Variants in GRIN2B observed in about 807,000 individuals in gnomAD.
The protein encoded by GRIN2B is glutamate receptor ionotropic, NMDA 2B.
GRIN2B carries 5 observed loss-of-function variants against 114.5 expected under a neutral mutation model. The observed-to-expected ratio is 0.04, with a 90% CI of 0.02 to 0.09. The LOEUF (loss-of-function observed/expected upper bound fraction) is 0.09, where lower values mean the gene tolerates loss of function less well. GRIN2B is among the 10% of genes least tolerant of loss of function. The pLI, the probability that GRIN2B is intolerant of heterozygous loss-of-function variation, is 1.00. For missense variants in GRIN2B, 1,108 were observed against 1,943.5 expected (o/e 0.57, Z 8.08); for synonymous variants, 787 against 745.1 (o/e 1.06, Z -0.92).
intron 3 of GRIN2B, among the ~76,000 whole-genome samples, chr12:13,848,502 G>C (rs1865504597): frequency 6.6e-6 from 1 of 152,084 alleles, no homozygotes; most frequent in Non-Finnish European, 1.5e-5. Flanking sequence ...GCTGTCAAAT[G>C]ACAGAAAAGA....
chr12:13,667,318 G>A (rs1319319781), intron 5 of GRIN2B, among the ~76,000 whole-genome samples: 4 of 152,140 alleles, frequency 2.6e-5, no homozygotes, highest in Admixed American at 6.6e-5. Context: ...TAGCAGACCC[G>A]AAATAACAAA....
intron 4 of GRIN2B, among the ~76,000 whole-genome samples, chr12:13,730,886 T>TGG (rs1863077076): frequency 6.6e-6 from 1 of 152,222 alleles, no homozygotes; most frequent in Non-Finnish European, 1.5e-5. Flanking sequence ...TTGACATGAC[T>TGG]AAACCCCTTT....
At chr12:13,609,605 C>T (rs1214163526) in intron 9 of GRIN2B, among the ~76,000 whole-genome samples, 1 of 152,090 alleles carries the variant, frequency 6.6e-6, no homozygotes, top group African/African-American at 2.4e-5. Flanking sequence ...AACCCCGTCT[C>T]TACTAAAAAG....
At chr12:13,619,673 GC>G (rs1949492049) in intron 5 of GRIN2B, among the ~76,000 whole-genome samples, 1 of 152,204 alleles carries the variant, frequency 6.6e-6, no homozygotes, top group Non-Finnish European at 1.5e-5. Flanking sequence ...ATACCAGGTA[GC>G]ATTTGTTGAG....
At chr12:13,699,566 G>A (rs1311734903) in intron 4 of GRIN2B, among the ~76,000 whole-genome samples, 3 of 151,766 alleles carry the variant, frequency 2.0e-5, no homozygotes, top group Non-Finnish European at 4.4e-5. Flanking sequence ...TTGGAGAGGA[G>A]AAACCTACCT....
In GRIN2B at chr12:13,600,934, A is replaced by T. The variant is rs574493732; in HGVS notation, c.2010+7669T>A. Among the ~76,000 whole-genome samples the T allele has an allele frequency of 1.1e-3, 162 of 152,332 alleles. 1 individual carries two copies. The highest frequency in any genetic ancestry group is 4.0e-3 in the Admixed American group (61 of 15,306). On this transcript the variant is annotated intron_variant, in intron 10 of 13. Coordinates refer to ENST00000609686, the MANE Select transcript of GRIN2B (RefSeq NM_000834.5). Reference sequence around the variant, plus strand: ...TTAACCAGCAAGGAGAAGACTGCCTATAAAGCATGTCTCTGCAAAGCTTCA... The same window carrying T: ...TTAACCAGCAAGGAGAAGACTGCCTTTAAAGCATGTCTCTGCAAAGCTTCA...
intron 2 of GRIN2B, among the ~76,000 whole-genome samples, chr12:13,914,226 A>G (rs1186077191): frequency 6.6e-6 from 1 of 150,732 alleles, no homozygotes; most frequent in Non-Finnish European, 1.5e-5. Flanking sequence ...CCTCCTCCCC[A>G]CTCCTCCCCA....
At chr12:13,627,914 A>T (rs2058770) in intron 5 of GRIN2B, among the ~76,000 whole-genome samples, 151,510 of 152,306 alleles carry the variant, frequency 0.99, 75,362 homozygotes, top group Middle Eastern at 1. Context: ...CTTCTACAAG[A>T]CCCTTCCCAG....
chr12:13,819,891 T>C (rs1175152234), intron 3 of GRIN2B, among the ~76,000 whole-genome samples: 1 of 152,152 alleles, frequency 6.6e-6, no homozygotes, highest in Non-Finnish European at 1.5e-5. Flanking sequence ...CATACATAAA[T>C]GGAGACTTCC....
chr12:13,954,234 C>T (rs1565599119), intron 2 of GRIN2B, among the ~76,000 whole-genome samples: 1 of 152,140 alleles, frequency 6.6e-6, no homozygotes, highest in Non-Finnish European at 1.5e-5. Flanking sequence ...CGTCTCACCT[C>T]AGCACTAAAA....
intron 4 of GRIN2B, among the ~76,000 whole-genome samples, chr12:13,732,533 G>A (rs768708835): frequency 6.6e-6 from 1 of 152,136 alleles, no homozygotes; most frequent in Non-Finnish European, 1.5e-5. Context: ...AACTTCAGCC[G>A]ACCTAGACAA....
At chr12:13,828,551 C>A (rs544170843) in intron 3 of GRIN2B, among the ~76,000 whole-genome samples, 1 of 152,306 alleles carries the variant, frequency 6.6e-6, no homozygotes, top group East Asian at 1.9e-4. Context: ...AAATGCTGAT[C>A]TCTGTCTCCT....
intron 3 of GRIN2B, among the ~76,000 whole-genome samples, chr12:13,829,299 G>A (rs1368961340): frequency 6.6e-6 from 1 of 152,114 alleles, no homozygotes; most frequent in Non-Finnish European, 1.5e-5. Flanking sequence ...AGATGTAACT[G>A]CCATTAGATC....
At chr12:13,605,789 G>T (rs1949239080) in intron 10 of GRIN2B, among the ~76,000 whole-genome samples, 1 of 152,074 alleles carries the variant, frequency 6.6e-6, no homozygotes, top group Non-Finnish European at 1.5e-5. Context: ...GTTACTGCGT[G>T]GCCCATGAGG....
At chr12:13,734,638 T>C (rs1168681076) in intron 4 of GRIN2B, among the ~76,000 whole-genome samples, 2 of 152,246 alleles carry the variant, frequency 1.3e-5, no homozygotes, top group Non-Finnish European at 2.9e-5. Context: ...AGAAAATGTT[T>C]GTGTCTACTG....
chr12:13,886,849 C>T (rs1172007339), intron 2 of GRIN2B, among the ~76,000 whole-genome samples: 2 of 152,160 alleles, frequency 1.3e-5, no homozygotes, highest in African/African-American at 4.8e-5. Context: ...CCCATAAACA[C>T]TTATACAGTA....
At chr12:13,771,655 T>C (rs1454217549) in intron 3 of GRIN2B, among the ~76,000 whole-genome samples, 1 of 152,234 alleles carries the variant, frequency 6.6e-6, no homozygotes, top group Admixed American at 6.5e-5. Flanking sequence ...AAACACTACA[T>C]AAGAAAGTGC....
At chr12:13,666,735 A>G (rs1166065692) in intron 5 of GRIN2B, among the ~76,000 whole-genome samples, 1 of 152,150 alleles carries the variant, frequency 6.6e-6, no homozygotes, top group African/African-American at 2.4e-5. Context: ...TTGTGGAGAT[A>G]CAGCCTGTGC....
At position 13,547,977 on chromosome 12, in the gene GRIN2B, A is replaced by ATTTTT. The variant is rs201147007; in HGVS notation, c.*14805_*14806insAAAAA. Reference sequence around the variant, plus strand: ...TGTGTGTGTATATATATATATATATATATATTTTTTTTTTTTTTCTGAAAG... The same window carrying ATTTTT: ...TGTGTGTGTATATATATATATATATATTTTTTATATTTTTTTTTTTTTTCTGAAAG... On this transcript the variant is annotated 3_prime_UTR_variant, in exon 14 of 14. Coordinates refer to ENST00000609686, the MANE Select transcript of GRIN2B (RefSeq NM_000834.5). 8.7e-5 allele frequency: 5 copies of ATTTTT among 57,382 alleles called. No individual in the cohort carries two copies. The highest frequency in any genetic ancestry group is 2.2e-4 in the African/African-American group (4 of 18,084). The allele number at this position is 57,382 out of a possible 1,614,324, so 3.6% of individuals were successfully genotyped here.
Sources: allele counts gnomAD v4.1 joint callset (sites outside exome capture counted in the v4.1 genomes callset), GRCh38; gene constraint gnomAD v4.1.1; transcripts MANE v1.5; gene names NCBI Gene and HGNC (gene_info 2026-07-23, HGNC 2026-07-21).